BAG2: variants seen among roughly 807,000 people sequenced by gnomAD.
The protein encoded by BAG2 is BAG family molecular chaperone regulator 2.
Under a neutral mutation model 16.4 loss-of-function variants are expected in BAG2, and 8 were observed. That is an observed-to-expected ratio of 0.49 (90% CI 0.29 to 0.88). The LOEUF is 0.88. Ranked by LOEUF, BAG2 falls within the 40% of genes least tolerant of loss-of-function variation. BAG2 has a pLI of 0.09. For synonymous variants in BAG2, 82 were observed against 89.2 expected (o/e 0.92, Z 0.46); for missense variants, 218 against 248.9 (o/e 0.88, Z 0.84).
intron 1 of BAG2, among the ~76,000 whole-genome samples, chr6:57,180,759 G>A (rs1272459522): frequency 6.8e-6 from 1 of 147,732 alleles, no homozygotes; most frequent in African/African-American, 2.5e-5. Context: ...AAAAGCATAC[G>A]CCATAAGGCA....
At chr6:57,175,022 A>G (rs1451864238) in intron 1 of BAG2, among the ~76,000 whole-genome samples, 1 of 152,244 alleles carries the variant, frequency 6.6e-6, no homozygotes, top group African/African-American at 2.4e-5. Context: ...CAGTTTTACA[A>G]ACTGTTAAAG....
intron 2 of BAG2, among the ~76,000 whole-genome samples, chr6:57,183,213 C>G (rs1023982558): frequency 6.6e-6 from 1 of 152,180 alleles, no homozygotes; most frequent in Non-Finnish European, 1.5e-5. Context: ...AGCTTGCTGA[C>G]TTTCTCATAT....
At chr6:57,174,320 GGGA>G in intron 1 of BAG2, 1 of 1,303,908 alleles carries the variant, frequency 7.7e-7, no homozygotes, top group Non-Finnish European at 1.0e-6. Context: ...TAAAGGAATG[GGGA>G]GGTTGTTACT....
Position 57,172,776 on chromosome 6 carries a change from C to G in BAG2, c.79C>G (p.Arg27Gly), listed in dbSNP as rs770906717. 4 of 1,573,572 alleles carry G rather than the reference C, an allele frequency of 2.5e-6. No homozygotes were observed. Among genetic ancestry groups the G allele is most frequent in the Non-Finnish European group, 3.4e-6 (4 of 1,162,946 alleles). The stretch of plus-strand genomic sequence containing the variant: ...CTCCTCCATGGCTGACCGCTCCAGC[C>G]GCCTGCTGGAGAGCCTGGACCAGCT... ...RSSSMADRSS[R>G]LLESLDQLEL... Residue 27 changes from arginine to glycine, a missense_variant, in exon 1 of 3, where the codon CGC becomes GGC. By Grantham distance (125) the Arg-to-Gly change is moderately radical. This residue lies in a region of BAG2 where 75 missense variants were observed against 63.1 expected (regional missense o/e 1.19). Transcript: ENST00000370693.
At chr6:57,174,296 A>T (rs1434554734) in intron 1 of BAG2, 1 of 1,302,836 alleles carries the variant, frequency 7.7e-7, no homozygotes, top group Non-Finnish European at 1.0e-6. Flanking sequence ...CTTAGCCAGA[A>T]AGAAAAGTTT....
intron 1 of BAG2, among the ~76,000 whole-genome samples, chr6:57,174,900 G>A (rs759857924): frequency 1.1e-4 from 16 of 152,206 alleles, no homozygotes; most frequent in Non-Finnish European, 2.1e-4. Context: ...GTACTTAGAA[G>A]TGTGCACTTA....
chr6:57,177,480 C>T (rs1764313761), intron 1 of BAG2, among the ~76,000 whole-genome samples: 1 of 152,060 alleles, frequency 6.6e-6, no homozygotes, highest in South Asian at 2.1e-4. Context: ...TTGCCATTTT[C>T]CCTCCTTTTT....
chr6:57,177,638 C>T (rs1364169989), intron 1 of BAG2, among the ~76,000 whole-genome samples: 3 of 152,090 alleles, frequency 2.0e-5, no homozygotes, highest in African/African-American at 7.2e-5. Flanking sequence ...TTTTTTTAGT[C>T]AGTGCTATCA....
rs1764669707 is a variant in BAG2 at position 57,187,913 on chromosome 6, T to C, written c.*3723T>C. 1.3e-5 allele frequency: 2 copies of C among 152,200 alleles called. No homozygotes were observed. The highest frequency in any genetic ancestry group is 2.9e-5 in the Non-Finnish European group (2 of 68,036). 9.4% of individuals were successfully genotyped at this position (152,200 alleles called of 1,614,324 possible). On this transcript the variant is annotated 3_prime_UTR_variant, in exon 3 of 3. Transcript: ENST00000370693. ...CTTTGGGCAGATACAAAGGAAATCA[T>C]TTAACCTGGTTTTATTTAACTATAT...
At chr6:57,181,164 A>G (rs1764429375) in intron 1 of BAG2, among the ~76,000 whole-genome samples, 2 of 152,138 alleles carry the variant, frequency 1.3e-5, no homozygotes, top group African/African-American at 4.8e-5. Flanking sequence ...TAGTCATAAT[A>G]CTAAGTCAAA....
chr6:57,176,245 T>G (rs1764282107), intron 1 of BAG2, among the ~76,000 whole-genome samples: 2 of 152,188 alleles, frequency 1.3e-5, no homozygotes, highest in African/African-American at 4.8e-5. Context: ...GCTTAGAAGC[T>G]TAAATGACTT....
intron 2 of BAG2, 95 bp downstream of exon 2, chr6:57,182,236 C>T (rs540757936): frequency 6.6e-5 from 63 of 958,574 alleles, no homozygotes; most frequent in African/African-American, 3.1e-4. Context: ...TTTTGGTATG[C>T]GTACACCAGG....
intron 2 of BAG2, among the ~76,000 whole-genome samples, chr6:57,183,136 A>G (rs1764514676): frequency 1.3e-5 from 2 of 152,248 alleles, no homozygotes; most frequent in African/African-American, 4.8e-5. Flanking sequence ...ATCTATAGGT[A>G]GGCCATGATC....
chr6:57,185,197 TA>T lies in BAG2; in HGVS notation c.*1008del, dbSNP rs1209930865. 1.3e-5 allele frequency: 2 copies of T among 152,218 alleles called. No homozygotes were observed. The highest frequency in any genetic ancestry group is 2.9e-5 in the Non-Finnish European group (2 of 68,040). The allele number at this position is 152,218 out of a possible 1,614,324, so 9.4% of individuals were successfully genotyped here. On this transcript the variant is annotated 3_prime_UTR_variant, in exon 3 of 3. Transcript: ENST00000370693. The stretch of plus-strand genomic sequence containing the variant: ...TTTATACTTTTTTCAGTAATTAAAA[TA>T]TAGCTATTTCACTGAAATATTTCCA...
Position 57,184,771 on chromosome 6 carries a change from CATAAA to C in BAG2, c.*584_*588del, listed in dbSNP as rs1764575422. On this transcript the variant is annotated 3_prime_UTR_variant, in exon 3 of 3. Transcript: ENST00000370693. Reference sequence around the variant, plus strand: ...TATTTTTTGATATACAAGAAACTGACATAAAATGTGAGAAAACCACCTATAATTTA... The same window carrying C: ...TATTTTTTGATATACAAGAAACTGACATGTGAGAAAACCACCTATAATTTA... 6.6e-6 allele frequency: 1 copy of C among 152,578 alleles called. No individual in the cohort carries two copies. Among genetic ancestry groups the C allele is most frequent in the Non-Finnish European group, 1.5e-5 (1 of 68,004 alleles). The allele number at this position is 152,578 out of a possible 1,614,324, so 9.5% of individuals were successfully genotyped here.
chr6:57,173,612 A>C, intron 1 of BAG2: 1 of 736,638 alleles, frequency 1.4e-6, no homozygotes, highest in Non-Finnish European at 1.7e-6. Context: ...TTTAATGTTA[A>C]TAGATTTTTG....
chr6:57,183,964 C>A lies in BAG2; in HGVS notation c.410C>A (p.Ser137Ter). 1 of 1,613,572 alleles carries A rather than the reference C, an allele frequency of 6.2e-7. No homozygotes were observed. The highest frequency in any genetic ancestry group is 1.3e-5 in the African/African-American group (1 of 75,028). ...DLGNAKSHLM[S>*]LYSACSSEVP... ...GGAAATGCCAAGAGTCATTTAATGTCGCTCTACAGTGCATGTTCATCTGAG... is the reference window on the plus strand; with the variant it reads ...GGAAATGCCAAGAGTCATTTAATGTAGCTCTACAGTGCATGTTCATCTGAG... The change falls in exon 3 of 3, where the codon TCG becomes TAG. Residue 137 changes from serine (S) to a stop codon, truncating the protein, a stop_gained. Transcript: ENST00000370693. LOFTEE classifies it high-confidence loss of function.
intron 1 of BAG2, chr6:57,173,304 TAAAAC>T (rs1764182211): frequency 1.0e-6 from 1 of 985,470 alleles, no homozygotes; most frequent in African/African-American, 1.7e-5. Flanking sequence ...CAAAAATGAA[TAAAAC>T]AAAACCAACC....
chr6:57,178,949 CAT>C (rs1410658476), intron 1 of BAG2, among the ~76,000 whole-genome samples: 2 of 152,204 alleles, frequency 1.3e-5, no homozygotes, highest in African/African-American at 4.8e-5. Flanking sequence ...TGCTGTAACT[CAT>C]AAATGAAACC....
Sources: allele counts gnomAD v4.1 joint callset (sites outside exome capture counted in the v4.1 genomes callset), GRCh38; gene constraint gnomAD v4.1.1; regional missense constraint gnomAD v4.1.1; transcripts MANE v1.5; gene names NCBI Gene and HGNC (gene_info 2026-07-23, HGNC 2026-07-21).